Variants in TMEM255B observed in about 807,000 individuals in gnomAD.
TMEM255B encodes the protein family with sequence similarity 70, member B.
TMEM255B carries 35 observed loss-of-function variants against 34.5 expected under a neutral mutation model. The ratio of observed to expected loss-of-function variants is 1.01; its 90% CI spans 0.77 to 1.34. The LOEUF (loss-of-function observed/expected upper bound fraction) is 1.34. Ranked by LOEUF, TMEM255B falls within the 40% of genes most tolerant of loss-of-function variation. The probability of loss-of-function intolerance (pLI) is 0.00; values close to 1 mark genes in which losing one functional copy is unlikely to be tolerated. For synonymous variants in TMEM255B, 206 were observed against 201.2 expected (o/e 1.02, Z -0.20); for missense variants, 432 against 433.2 (o/e 1.00, Z 0.02).
At chr13:113,796,770 G>T (rs995393009) in intron 4 of TMEM255B, among the ~76,000 whole-genome samples, 1 of 152,256 alleles carries the variant, frequency 6.6e-6, no homozygotes, top group African/African-American at 2.4e-5. Flanking sequence ...TGAACTCTCA[G>T]ACCAAACCTG....
rs1033884146 is a variant in TMEM255B at position 113,790,293 on chromosome 13, C to G, written c.253-4855C>G. On this transcript the variant is annotated intron_variant, in intron 3 of 8. Coordinates refer to ENST00000375353, the MANE Select transcript of TMEM255B (RefSeq NM_182614.4). ...GACCAGACACGTGGACATCCTAGCA[C>G]TGAACTGACTGGACACATGGACATC... Among the ~76,000 whole-genome samples the G allele has an allele frequency of 4.2e-5, 5 of 117,662 alleles. 1 individual carries two copies. The highest frequency in any genetic ancestry group is 7.7e-5 in the Non-Finnish European group (4 of 51,846). 77.2% of individuals were successfully genotyped at this position (117,662 alleles called of 152,430 possible).
At chr13:113,780,954 C>A (rs2050657287) in intron 3 of TMEM255B, among the ~76,000 whole-genome samples, 1 of 152,176 alleles carries the variant, frequency 6.6e-6, no homozygotes, top group Admixed American at 6.5e-5. Context: ...AACTTTGGAA[C>A]ACATACCAAT....
At chr13:113,793,520 C>T (rs1197930650) in intron 3 of TMEM255B, among the ~76,000 whole-genome samples, 5 of 152,234 alleles carry the variant, frequency 3.3e-5, no homozygotes, top group African/African-American at 7.2e-5. Context: ...CTGTGACTCA[C>T]GCAGGGACCG....
intron 3 of TMEM255B, 25 bp from the exon 4 acceptor site, chr13:113,795,123 A>G: frequency 1.2e-6 from 2 of 1,612,112 alleles, no homozygotes; most frequent in Admixed American, 3.3e-5. Flanking sequence ...AAAGCTGGGC[A>G]CCCACACCTC....
chr13:113,785,671 G>A (rs1295349298), intron 3 of TMEM255B, among the ~76,000 whole-genome samples: 3 of 152,198 alleles, frequency 2.0e-5, no homozygotes, highest in Non-Finnish European at 4.4e-5. Context: ...TAGGTCATTG[G>A]TCAGGGTCAG....
At chr13:113,803,931 G>A (rs77210411) in intron 7 of TMEM255B, among the ~76,000 whole-genome samples, 3 of 14,792 alleles carry the variant, frequency 2.0e-4, no homozygotes, top group African/African-American at 3.7e-4. Context: ...GGTTGTCACC[G>A]TGTCCCCGGG....
chr13:113,797,412 C>G (rs1440721574), intron 4 of TMEM255B, among the ~76,000 whole-genome samples: 1 of 152,180 alleles, frequency 6.6e-6, no homozygotes, highest in Admixed American at 6.5e-5. Flanking sequence ...TGAGAGAGGC[C>G]GAGGACACCG....
chr13:113,778,591 G>A (rs959929761), intron 3 of TMEM255B, among the ~76,000 whole-genome samples: 5 of 148,008 alleles, frequency 3.4e-5, no homozygotes, highest in Admixed American at 6.7e-5. Context: ...GTACTGTGGC[G>A]TCTTCTCCCG....
intron 7 of TMEM255B, among the ~76,000 whole-genome samples, chr13:113,803,633 C>T (rs2051106238): frequency 8.4e-6 from 1 of 118,544 alleles, no homozygotes; most frequent in African/African-American, 2.9e-5. Context: ...GTCAGAACTG[C>T]AAATCTCCTG....
rs1486693750 is a variant in TMEM255B at position 113,813,269 on chromosome 13, C to G, written c.*1366C>G. Reference sequence around the variant, plus strand: ...GGCCGCTCACGGTTCCCCAGTCACTCCCTCTCCCCTCGGAAGCTGGCGCCT... The same window carrying G: ...GGCCGCTCACGGTTCCCCAGTCACTGCCTCTCCCCTCGGAAGCTGGCGCCT... On this transcript the variant is annotated 3_prime_UTR_variant, in exon 9 of 9. Coordinates refer to ENST00000375353, the MANE Select transcript of TMEM255B (RefSeq NM_182614.4). 6.6e-6 allele frequency: 1 copy of G among 152,298 alleles called. No homozygotes were observed. Among genetic ancestry groups the G allele is most frequent in the Admixed American group, 6.5e-5 (1 of 15,292 alleles). 9.4% of individuals were successfully genotyped at this position (152,298 alleles called of 1,614,324 possible). A position where few individuals can be genotyped will look rare whatever the true frequency, so the allele number is the denominator to read the frequency against.
At chr13:113,782,672 C>CGGG (rs770261684) in intron 3 of TMEM255B, among the ~76,000 whole-genome samples, 73 of 138,010 alleles carry the variant, frequency 5.3e-4, no homozygotes, top group Middle Eastern at 3.6e-3. Context: ...CTGTGATGGT[C>CGGG]GGAGGGGGGG....
At chr13:113,776,209 TG>T (rs1470858519) in intron 3 of TMEM255B, among the ~76,000 whole-genome samples, 4 of 152,276 alleles carry the variant, frequency 2.6e-5, no homozygotes, top group African/African-American at 9.6e-5. Flanking sequence ...GGGTGGGCAC[TG>T]GCACAAGGGT....
At chr13:113,796,857 A>G (rs975356425) in intron 4 of TMEM255B, among the ~76,000 whole-genome samples, 13 of 152,160 alleles carry the variant, frequency 8.5e-5, no homozygotes, top group Non-Finnish European at 1.8e-4. Flanking sequence ...GTCTGCCCCA[A>G]CGGTTTCATT....
chr13:113,793,026 A>G (rs533739316), intron 3 of TMEM255B, among the ~76,000 whole-genome samples: 9 of 152,348 alleles, frequency 5.9e-5, no homozygotes, highest in African/African-American at 2.2e-4. Context: ...CAGAGGGGGA[A>G]CCAAGGACCA....
At chr13:113,777,296 A>G (rs1229689268) in intron 3 of TMEM255B, among the ~76,000 whole-genome samples, 1 of 151,422 alleles carries the variant, frequency 6.6e-6, no homozygotes, top group Non-Finnish European at 1.5e-5. Context: ...CTCCCTCTCT[A>G]TCTCTCTGCC....
intron 3 of TMEM255B, among the ~76,000 whole-genome samples, 160 bp from the exon 4 acceptor site, chr13:113,794,988 C>T (rs532489206): frequency 2.4e-4 from 37 of 152,342 alleles, no homozygotes; most frequent in Admixed American, 1.3e-4. Flanking sequence ...GGGTGGAGTC[C>T]GGCCTGGCCA....
At position 113,781,602 on chromosome 13, in the gene TMEM255B, TAGAC is replaced by T. The variant is rs146194743; in HGVS notation, c.252+12446_252+12449del. 3.2e-4 allele frequency among the ~76,000 whole-genome samples: 48 copies of T among 152,324 alleles called. 1 individual carries two copies. In the East Asian group the frequency reaches 6.4e-3, roughly 20 times the overall value. ...TGTACTAGGTGTGAAGCCTGGGACT[TAGAC>T]AGAAGTGCACACAAGGTCTGATTCA... is the stretch of plus-strand genomic sequence containing the variant. On this transcript the variant is annotated intron_variant, in intron 3 of 8. Transcript: ENST00000375353.
At chr13:113,798,978 T>A (rs1210560285) in intron 4 of TMEM255B, among the ~76,000 whole-genome samples, 1 of 152,194 alleles carries the variant, frequency 6.6e-6, no homozygotes, top group Non-Finnish European at 1.5e-5. Context: ...GAGACAATAT[T>A]TTCTTTTATG....
At chr13:113,794,246 C>T (rs997399092) in intron 3 of TMEM255B, among the ~76,000 whole-genome samples, 7 of 152,104 alleles carry the variant, frequency 4.6e-5, no homozygotes, top group Admixed American at 1.3e-4. Flanking sequence ...CCACTCTGCT[C>T]GGTCGGCTCT....
Sources: gnomAD v4.1 joint callset for allele counts (sites outside exome capture counted in the v4.1 genomes callset) on GRCh38, gnomAD v4.1.1 for gene constraint, MANE v1.5 for transcripts, NCBI Gene and HGNC (gene_info 2026-07-23, HGNC 2026-07-21) for gene names.